DIP2C: variants seen among roughly 807,000 people sequenced by gnomAD.
The protein encoded by DIP2C is DIP2 acetate--CoA ligase C (putative).
A neutral mutation model predicts 192.4 loss-of-function variants in DIP2C; 33 were observed. The observed-to-expected ratio is 0.17, with a 90% CI of 0.13 to 0.23. The LOEUF is 0.23. DIP2C is among the 10% of genes least tolerant of loss of function. The pLI, the probability that DIP2C is intolerant of heterozygous loss-of-function variation, is 1.00. For missense variants in DIP2C, 1,537 were observed against 2,110.1 expected, an observed-to-expected ratio of 0.73 and a Z score of 5.32; for synonymous variants, 979 against 864.1, an observed-to-expected ratio of 1.13 and a Z score of -2.33.
chr10:641,804 AG>A (rs1855212421), intron 1 of DIP2C: 1 of 153,936 alleles, frequency 6.5e-6, no homozygotes, highest in Non-Finnish European at 1.5e-5. Context: ...CTGAGGCAGA[AG>A]AAATGCTGGA....
At chr10:294,050 T>TA (rs1955624555) in intron 32 of DIP2C, among the ~76,000 whole-genome samples, 1 of 152,246 alleles carries the variant, frequency 6.6e-6, no homozygotes, top group African/African-American at 2.4e-5. Flanking sequence ...TTTTCATTTA[T>TA]AAAATTGTAA....
At chr10:470,193 G>A (rs1970516063) in intron 3 of DIP2C, among the ~76,000 whole-genome samples, 1 of 152,146 alleles carries the variant, frequency 6.6e-6, no homozygotes, top group Admixed American at 6.5e-5. Flanking sequence ...CAGACATGCA[G>A]ATAGACAGAG....
chr10:281,513 G>A (rs969477800), intron 35 of DIP2C, among the ~76,000 whole-genome samples, 190 bp from the exon 36 acceptor site: 6 of 152,252 alleles, frequency 3.9e-5, no homozygotes, highest in Non-Finnish European at 8.8e-5. Context: ...TCGTGTGCCA[G>A]TACCCCACAG....
chr10:349,580 A>G, intron 24 of DIP2C, 126 bp from the exon 25 acceptor site: 1 of 1,291,042 alleles, frequency 7.7e-7, no homozygotes, highest in Non-Finnish European at 1.0e-6. Context: ...ACAAGCACAG[A>G]CCTGTGCAAC....
intron 1 of DIP2C, among the ~76,000 whole-genome samples, chr10:547,023 A>G (rs1210140199): frequency 7.9e-5 from 12 of 152,218 alleles, no homozygotes; most frequent in African/African-American, 2.9e-4. Context: ...GAAGGCCATT[A>G]GTGGAAGAAG....
chr10:489,221 A>T (rs534540011), intron 1 of DIP2C, among the ~76,000 whole-genome samples: 1 of 152,214 alleles, frequency 6.6e-6, no homozygotes. Context: ...CTGCCTCAGC[A>T]TCTGGTAGAC....
At chr10:419,701 A>C (rs1465116587) in intron 5 of DIP2C, among the ~76,000 whole-genome samples, 1 of 152,118 alleles carries the variant, frequency 6.6e-6, no homozygotes, top group Non-Finnish European at 1.5e-5. Context: ...GGATTATGTG[A>C]GTTAACACGT....
chr10:557,936 G>A (rs1848997081), intron 1 of DIP2C, among the ~76,000 whole-genome samples: 1 of 150,618 alleles, frequency 6.6e-6, no homozygotes. Context: ...AACCCCAGAG[G>A]GCGAAACCCT....
intron 1 of DIP2C, among the ~76,000 whole-genome samples, chr10:597,326 C>T (rs942991710): frequency 1.5e-4 from 23 of 152,204 alleles, no homozygotes; most frequent in Non-Finnish European, 2.9e-4. Flanking sequence ...CTCCGTAGCC[C>T]CTGCAGCAAG....
At chr10:297,274 A>ACACACC (rs1955806603) in intron 32 of DIP2C, among the ~76,000 whole-genome samples, 1 of 114,556 alleles carries the variant, frequency 8.7e-6, no homozygotes, top group African/African-American at 2.9e-5. Context: ...ACACACACAC[A>ACACACC]CCAAACTACG....
At chr10:555,781 C>T (rs1039071695) in intron 1 of DIP2C, among the ~76,000 whole-genome samples, 24 of 152,110 alleles carry the variant, frequency 1.6e-4, no homozygotes, top group African/African-American at 5.1e-4. Flanking sequence ...GCCCACTACA[C>T]GCAAGGTCAC....
Position 469,709 on chromosome 10 carries a change from A to G in DIP2C, c.268+2730T>C, listed in dbSNP as rs563267111. On this transcript the variant is annotated intron_variant, in intron 3 of 36. Transcript: ENST00000280886. Reference sequence around the variant, plus strand: ...AGCCCATGCTCCATGCTGCTGCTAAAGTGATCTTCAAACCCTGACTGGCCC... The same window carrying G: ...AGCCCATGCTCCATGCTGCTGCTAAGGTGATCTTCAAACCCTGACTGGCCC... Among the ~76,000 whole-genome samples, 3 of 152,236 alleles carry G rather than the reference A, an allele frequency of 2.0e-5. No individual in the cohort carries two copies. In the South Asian group the frequency reaches 6.2e-4, roughly 32 times the overall value.
At chr10:484,963 A>C in intron 2 of DIP2C, 1 of 1,597,066 alleles carries the variant, frequency 6.3e-7, no homozygotes, top group Non-Finnish European at 8.5e-7. Context: ...AACAAGTTGA[A>C]AAAAAACTAA....
chr10:369,822 G>T, intron 17 of DIP2C, 189 bp from the exon 18 acceptor site: 1 of 1,299,746 alleles, frequency 7.7e-7, no homozygotes, highest in Non-Finnish European at 1.0e-6. Flanking sequence ...CTGGCAGCGA[G>T]TCTACTGCTT....
At chr10:551,907 C>T (rs969001761) in intron 1 of DIP2C, among the ~76,000 whole-genome samples, 7 of 152,332 alleles carry the variant, frequency 4.6e-5, no homozygotes, top group South Asian at 4.1e-4. Context: ...AGGCCCCTGC[C>T]GTGGTGTCAC....
Position 446,083 on chromosome 10 carries a change from G to A in DIP2C, c.269-5087C>T, listed in dbSNP as rs373734211. Among the ~76,000 whole-genome samples, 45 of 115,904 alleles carry A rather than the reference G, an allele frequency of 3.9e-4. No homozygotes were observed. In the East Asian group the frequency reaches 4.0e-3, roughly 10 times the overall value. The allele number at this position is 115,904 out of a possible 152,430, so 76.0% of individuals were successfully genotyped here. A position where few individuals can be genotyped will look rare whatever the true frequency, so the allele number is the denominator to read the frequency against. ...ACAGGCCCACTGGGCATCTGTATAC[G>A]TCTGTTGCAAAGAGTCTCATGGTCC... is the stretch of plus-strand genomic sequence containing the variant. On this transcript the variant is annotated intron_variant, in intron 3 of 36. Coordinates refer to ENST00000280886, the MANE Select transcript of DIP2C (RefSeq NM_014974.3).
rs533041496 is a variant in DIP2C, at chr10:588,539, C to A, written c.85+100955G>T. ...CAGCTGCCTGCGGCTTGGGTCCCTG[C>A]CGGGAAAGTGACACCAGGGCCCTAT... On this transcript the variant is annotated intron_variant, in intron 1 of 36. Coordinates refer to ENST00000280886, the MANE Select transcript of DIP2C (RefSeq NM_014974.3). Among the ~76,000 whole-genome samples, 22 of 152,322 alleles carry A rather than the reference C, an allele frequency of 1.4e-4. No individual in the cohort carries two copies. In the East Asian group the frequency reaches 3.7e-3, roughly 25 times the overall value.
chr10:297,474 T>C (rs974198014), intron 32 of DIP2C, among the ~76,000 whole-genome samples: 2 of 152,136 alleles, frequency 1.3e-5, no homozygotes, highest in Admixed American at 6.5e-5. Context: ...GTATATAACA[T>C]TGAATAGGAT....
At chr10:573,265 ACT>A (rs1326215791) in intron 1 of DIP2C, among the ~76,000 whole-genome samples, 2 of 152,152 alleles carry the variant, frequency 1.3e-5, no homozygotes, top group African/African-American at 4.8e-5. Context: ...CTTGTTCCAG[ACT>A]CTAAGCAGCA....
Sources: allele counts gnomAD v4.1 joint callset (sites outside exome capture counted in the v4.1 genomes callset), GRCh38; gene constraint gnomAD v4.1.1; transcripts MANE v1.5; gene names NCBI Gene and HGNC (gene_info 2026-07-23, HGNC 2026-07-21).